Variants in GRIP1 observed in about 807,000 individuals in gnomAD.
GRIP1 encodes the protein glutamate receptor interacting protein 1.
GRIP1 carries 45 observed loss-of-function variants against 129.9 expected under a neutral mutation model. The ratio of observed to expected loss-of-function variants is 0.35; its 90% CI spans 0.27 to 0.44. GRIP1 has a LOEUF of 0.44. GRIP1 is among the 20% of genes least tolerant of loss of function. GRIP1 has a pLI of 1.00. For synonymous variants in GRIP1, 530 were observed against 520.8 expected (o/e 1.02, Z -0.24); for missense variants, 1,196 against 1,396.8 (o/e 0.86, Z 2.29).
At chr12:66,384,451 G>A (rs2056265783) in intron 19 of GRIP1, among the ~76,000 whole-genome samples, 1 of 152,224 alleles carries the variant, frequency 6.6e-6, no homozygotes, top group Admixed American at 6.5e-5. Flanking sequence ...CCGGGTATGT[G>A]TACTAAAAGG....
rs1230578893 is a variant in GRIP1 at position 66,347,602 on chromosome 12, G to GT, written c.*1416dup. The GT allele has an allele frequency of 1.3e-5, 2 of 152,086 alleles. No homozygotes were observed. Among genetic ancestry groups the GT allele is most frequent in the African/African-American group, 4.8e-5 (2 of 41,406 alleles). 9.4% of individuals were successfully genotyped at this position (152,086 alleles called of 1,614,324 possible). On this transcript the variant is annotated 3_prime_UTR_variant, in exon 25 of 25. Coordinates refer to ENST00000359742, the MANE Select transcript of GRIP1 (RefSeq NM_001366722.1). ...TAAATTTGTACAAAAATACTTTACA[G>GT]TTTAATACTTGTTTGTTACAAATAA... is the stretch of plus-strand genomic sequence containing the variant.
intron 2 of GRIP1, among the ~76,000 whole-genome samples, chr12:66,550,417 T>C (rs551260341): frequency 1.3e-5 from 2 of 152,346 alleles, no homozygotes; most frequent in Non-Finnish European, 2.9e-5. Flanking sequence ...AACTGCCAAT[T>C]TTCTACTATA....
rs557318417 is a variant in GRIP1 at position 66,513,906 on chromosome 12, G to A, written c.724+1713C>T. ...AAATGGTATCTATCCCAGTGGATGA[G>A]ACCTTGTCTCTCTGATGTGGAATGC... On this transcript the variant is annotated intron_variant, in intron 7 of 24. Transcript: ENST00000359742. Among the ~76,000 whole-genome samples, 4 of 152,258 alleles carry A rather than the reference G, an allele frequency of 2.6e-5. No individual in the cohort carries two copies. The East Asian group carries it at 5.8e-4, about 22-fold the overall frequency.
chr12:67,046,300 C>A (rs2043252849), intron 1 of GRIP1, among the ~76,000 whole-genome samples: 1 of 152,102 alleles, frequency 6.6e-6, no homozygotes, highest in African/African-American at 2.4e-5. Flanking sequence ...GCCATGTGAC[C>A]TCAGGAAGAT....
At chr12:66,810,656 T>G (rs2039085957) in intron 1 of GRIP1, among the ~76,000 whole-genome samples, 1 of 152,184 alleles carries the variant, frequency 6.6e-6, no homozygotes, top group Non-Finnish European at 1.5e-5. Flanking sequence ...ATTTTAATAT[T>G]TCTAGCACTT....
chr12:66,914,537 T>G (rs2041087752), intron 1 of GRIP1, among the ~76,000 whole-genome samples: 1 of 152,242 alleles, frequency 6.6e-6, no homozygotes, highest in South Asian at 2.1e-4. Flanking sequence ...ATTCCTAGTA[T>G]GTTAGTTTCA....
chr12:67,031,921 A>G (rs1565647740), intron 1 of GRIP1, among the ~76,000 whole-genome samples: 1 of 152,032 alleles, frequency 6.6e-6, no homozygotes, highest in Non-Finnish European at 1.5e-5. Flanking sequence ...TGATTATTAA[A>G]GACTCCAAAC....
intron 16 of GRIP1, among the ~76,000 whole-genome samples, chr12:66,397,110 CAAAAA>C (rs71436004): frequency 5.0e-5 from 3 of 60,214 alleles, no homozygotes; most frequent in Non-Finnish European, 8.5e-5. Flanking sequence ...GACTCTGTCT[CAAAAA>C]AAAAAAAAAA....
chr12:66,538,002 G>A (rs1359935936), intron 4 of GRIP1, among the ~76,000 whole-genome samples: 1 of 152,136 alleles, frequency 6.6e-6, no homozygotes, highest in Non-Finnish European at 1.5e-5. Flanking sequence ...ACTGCAGTCT[G>A]AAAATATTAA....
chr12:66,858,934 C>G (rs578261938), intron 1 of GRIP1, among the ~76,000 whole-genome samples: 4 of 151,950 alleles, frequency 2.6e-5, no homozygotes, highest in African/African-American at 9.6e-5. Flanking sequence ...TGTATCAGAG[C>G]TCTTCCGTTA....
intron 1 of GRIP1, among the ~76,000 whole-genome samples, chr12:66,624,779 C>A (rs576598942): frequency 6.6e-6 from 1 of 152,224 alleles, no homozygotes; most frequent in East Asian, 1.9e-4. Context: ...ATTTTTCTAT[C>A]AGGATTTTCA....
At chr12:66,597,412 G>A (rs1386437098) in intron 1 of GRIP1, among the ~76,000 whole-genome samples, 1 of 152,150 alleles carries the variant, frequency 6.6e-6, no homozygotes, top group Non-Finnish European at 1.5e-5. Flanking sequence ...AGTATTGCAA[G>A]GGAAATAAAG....
At chr12:66,762,319 G>C (rs1312012824) in intron 1 of GRIP1, among the ~76,000 whole-genome samples, 1 of 152,142 alleles carries the variant, frequency 6.6e-6, no homozygotes, top group Non-Finnish European at 1.5e-5. Flanking sequence ...CTCCACAACT[G>C]CATCAACAGT....
chr12:66,594,113 T>C (rs1592616906), intron 2 of GRIP1, among the ~76,000 whole-genome samples: 1 of 151,412 alleles, frequency 6.6e-6, no homozygotes, highest in Non-Finnish European at 1.5e-5. Flanking sequence ...TCCTTGTGTT[T>C]GCTTACTCCC....
chr12:66,772,555 C>A (rs1471906904), intron 1 of GRIP1, among the ~76,000 whole-genome samples: 1 of 152,056 alleles, frequency 6.6e-6, no homozygotes, highest in Non-Finnish European at 1.5e-5. Context: ...GGGTGTGAAA[C>A]CATCAACAAA....
At chr12:66,939,434 C>T (rs746755122) in intron 1 of GRIP1, among the ~76,000 whole-genome samples, 17 of 152,034 alleles carry the variant, frequency 1.1e-4, no homozygotes, top group Non-Finnish European at 2.5e-4. Context: ...ATGTTCCTGC[C>T]CTCAAATTGT....
intron 14 of GRIP1, among the ~76,000 whole-genome samples, chr12:66,423,161 T>C (rs1001361615): frequency 3.3e-5 from 5 of 152,184 alleles, no homozygotes; most frequent in Non-Finnish European, 5.9e-5. Context: ...GCCAGAATGG[T>C]TGGGTCCAAA....
intron 2 of GRIP1, among the ~76,000 whole-genome samples, chr12:66,586,602 T>C (rs2044598725): frequency 6.6e-6 from 1 of 152,230 alleles, no homozygotes; most frequent in South Asian, 2.1e-4. Flanking sequence ...CCTGTTCCAC[T>C]GATCCATTTC....
intron 1 of GRIP1, among the ~76,000 whole-genome samples, chr12:66,923,906 G>C (rs764932485): frequency 6.6e-6 from 1 of 151,900 alleles, no homozygotes. Context: ...GTGTAATGGC[G>C]CCATCTCAGC....
Sources: allele counts gnomAD v4.1 joint callset (sites outside exome capture counted in the v4.1 genomes callset), GRCh38; gene constraint gnomAD v4.1.1; transcripts MANE v1.5; gene names NCBI Gene and HGNC (gene_info 2026-07-23, HGNC 2026-07-21).